The following BACH2 variants were observed in gnomAD, a reference collection of about 807,000 sequenced individuals.
BACH2 encodes the protein transcription regulator protein BACH2.
BACH2 carries 5 observed loss-of-function variants against 61.8 expected under a neutral mutation model. The observed-to-expected ratio is 0.08, with a 90% CI of 0.04 to 0.17. BACH2 has a LOEUF of 0.17. Ranked by LOEUF, BACH2 falls within the 10% of genes least tolerant of loss-of-function variation. BACH2 has a pLI of 1.00. For synonymous variants in BACH2, 446 were observed against 440.1 expected (o/e 1.01, Z -0.17); for missense variants, 824 against 1,091.1 (o/e 0.76, Z 3.45).
chr6:90,011,752 C>A (rs1247810695), intron 5 of BACH2, among the ~76,000 whole-genome samples: 2 of 152,024 alleles, frequency 1.3e-5, no homozygotes, highest in Non-Finnish European at 2.9e-5. Context: ...GAAACTGCGT[C>A]TTTACTAAAA....
At chr6:89,973,650 G>A (rs1478336999) in intron 6 of BACH2, among the ~76,000 whole-genome samples, 3 of 152,146 alleles carry the variant, frequency 2.0e-5, no homozygotes, top group African/African-American at 2.4e-5. Flanking sequence ...CAGGTTTTTG[G>A]GGATAAGGAC....
chr6:89,971,217 A>G (rs1775340717), intron 6 of BACH2, among the ~76,000 whole-genome samples: 1 of 152,218 alleles, frequency 6.6e-6, no homozygotes, highest in South Asian at 2.1e-4. Flanking sequence ...CCCCAGGCAC[A>G]GATCAGTGAG....
At chr6:90,117,446 C>T in intron 4 of BACH2, among the ~76,000 whole-genome samples, 1 of 147,540 alleles carries the variant, frequency 6.8e-6, no homozygotes, top group Admixed American at 6.9e-5. Flanking sequence ...TCATTTACTT[C>T]TTTACTGTTA....
intron 5 of BACH2, among the ~76,000 whole-genome samples, chr6:90,080,181 AT>A (rs1331902512): frequency 6.6e-6 from 1 of 152,172 alleles, no homozygotes; most frequent in African/African-American, 2.4e-5. Flanking sequence ...AGTTCTTCAA[AT>A]TAACAAAAGT....
chr6:90,121,701 T>C (rs1783633171), intron 4 of BACH2, among the ~76,000 whole-genome samples: 3 of 151,866 alleles, frequency 2.0e-5, no homozygotes, highest in Non-Finnish European at 2.9e-5. Context: ...TCCACCACCA[T>C]ACCCAGCTAA....
At chr6:90,206,191 T>C (rs4706361) in intron 4 of BACH2, among the ~76,000 whole-genome samples, 66,063 of 152,020 alleles carry the variant, frequency 0.43, 16,077 homozygotes, top group South Asian at 0.56. Flanking sequence ...GATGGGGAAA[T>C]TGGGGAACCA....
At chr6:90,097,299 T>G (rs1782420159) in intron 4 of BACH2, among the ~76,000 whole-genome samples, 1 of 152,128 alleles carries the variant, frequency 6.6e-6, no homozygotes, top group Admixed American at 6.5e-5. Flanking sequence ...GAGTTTAAAC[T>G]ATGGATCAGC....
chr6:89,964,030 T>C (rs10944467), intron 6 of BACH2, among the ~76,000 whole-genome samples: 3 of 151,388 alleles, frequency 2.0e-5, no homozygotes, highest in Non-Finnish European at 4.4e-5. Flanking sequence ...CACAGGAAGG[T>C]GAATATCACA....
intron 7 of BACH2, among the ~76,000 whole-genome samples, chr6:89,943,496 CAAAAG>C (rs1773558657): frequency 1.3e-5 from 2 of 151,784 alleles, no homozygotes; most frequent in Non-Finnish European, 2.9e-5. Flanking sequence ...AAATATAAGA[CAAAAG>C]AAGGGAAAAA....
intron 4 of BACH2, among the ~76,000 whole-genome samples, chr6:90,176,844 A>AT (rs1203664369): frequency 6.6e-6 from 1 of 151,988 alleles, no homozygotes; most frequent in Non-Finnish European, 1.5e-5. Flanking sequence ...AAATATCACC[A>AT]TATTACTTCC....
chr6:89,959,972 C>T (rs540198250), intron 6 of BACH2, among the ~76,000 whole-genome samples: 1 of 152,022 alleles, frequency 6.6e-6, no homozygotes, highest in Non-Finnish European at 1.5e-5. Flanking sequence ...CCTTTCTTGG[C>T]GGTGTGTTCT....
At chr6:90,152,668 A>C (rs1302021795) in intron 4 of BACH2, among the ~76,000 whole-genome samples, 1 of 152,222 alleles carries the variant, frequency 6.6e-6, no homozygotes, top group African/African-American at 2.4e-5. Flanking sequence ...ATTTAAGTGA[A>C]TGAGTTAACA....
At chr6:90,284,850 A>G (rs1771969730) in intron 1 of BACH2, among the ~76,000 whole-genome samples, 1 of 152,232 alleles carries the variant, frequency 6.6e-6, no homozygotes, top group Non-Finnish European at 1.5e-5. Context: ...TTCTATTGAT[A>G]CTGATGAGTC....
chr6:90,020,890 G>A (rs1361318836), intron 5 of BACH2, among the ~76,000 whole-genome samples: 1 of 152,162 alleles, frequency 6.6e-6, no homozygotes, highest in African/African-American at 2.4e-5. Flanking sequence ...GAATAGCATG[G>A]AGGAGTATGA....
At chr6:90,205,556 A>G (rs967559933) in intron 4 of BACH2, among the ~76,000 whole-genome samples, 12 of 152,214 alleles carry the variant, frequency 7.9e-5, no homozygotes, top group Admixed American at 3.3e-4. Context: ...TCTCACTGCA[A>G]AGAATTACCT....
rs1442652706 is a variant in BACH2 at position 90,013,671 on chromosome 6, TA to T, written c.-12-4816del. 3.2e-3 allele frequency among the ~76,000 whole-genome samples: 490 copies of T among 151,820 alleles called. 2 individuals are homozygous for T. Among genetic ancestry groups the T allele is most frequent in the African/African-American group, 0.011 (455 of 41,412 alleles). ...ACAGGTGCCCGCCACCATGCCAGGC[TA>T]ATTTTTTTTGTATTTTTAGTAGAGA... is the stretch of plus-strand genomic sequence containing the variant. On this transcript the variant is annotated intron_variant, in intron 5 of 8. Transcript: ENST00000257749.
chr6:90,043,806 G>A (rs1487977670), intron 5 of BACH2, among the ~76,000 whole-genome samples: 2 of 152,300 alleles, frequency 1.3e-5, no homozygotes, highest in Non-Finnish European at 2.9e-5. Flanking sequence ...GACTCCTGCA[G>A]GCACAGTTGG....
At position 89,929,847 on chromosome 6, in the gene BACH2, G is replaced by A. The variant is rs555969544; in HGVS notation, c.*2561C>T. The A allele has an allele frequency of 6.6e-6, 1 of 152,354 alleles. No homozygotes were observed. The highest frequency in any genetic ancestry group is 2.1e-4 in the South Asian group (1 of 4,826). 9.4% of individuals were successfully genotyped at this position (152,354 alleles called of 1,614,324 possible). A position where few individuals can be genotyped will look rare whatever the true frequency, so the allele number is the denominator to read the frequency against. On this transcript the variant is annotated 3_prime_UTR_variant, in exon 9 of 9. Coordinates refer to ENST00000257749, the MANE Select transcript of BACH2 (RefSeq NM_021813.4). ...GACCTGGTTATGATATGAGCAGAAA[G>A]TGTTCTTTTTTTAAAAGAAGAGGAG...
chr6:89,974,663 T>G (rs998990591), intron 6 of BACH2, among the ~76,000 whole-genome samples: 2 of 152,348 alleles, frequency 1.3e-5, no homozygotes, highest in African/African-American at 4.8e-5. Flanking sequence ...CATTAGCACC[T>G]TCTGGCCTCG....
Sources: allele counts gnomAD v4.1 joint callset (sites outside exome capture counted in the v4.1 genomes callset), GRCh38; gene constraint gnomAD v4.1.1; transcripts MANE v1.5; gene names NCBI Gene and HGNC (gene_info 2026-07-23, HGNC 2026-07-21).